The following DENND1B variants were observed in gnomAD, a reference collection of about 807,000 sequenced individuals.
DENND1B encodes DENN domain containing 1B, also known as DENN domain-containing protein 1B.
A neutral mutation model predicts 90.1 loss-of-function variants in DENND1B; 59 were observed. The observed-to-expected ratio is 0.65, with a 90% CI of 0.53 to 0.81. DENND1B has a LOEUF of 0.81. Ranked by LOEUF, DENND1B falls within the 40% of genes least tolerant of loss-of-function variation. The pLI is 0.00. For missense variants in DENND1B, 862 were observed against 912.6 expected (o/e 0.94, Z 0.71); for synonymous variants, 337 against 324.6 (o/e 1.04, Z -0.41).
At chr1:197,517,505 C>T (rs1440813667) in intron 20 of DENND1B, among the ~76,000 whole-genome samples, 1 of 151,838 alleles carries the variant, frequency 6.6e-6, no homozygotes, top group African/African-American at 2.4e-5. Flanking sequence ...TTACATTTAT[C>T]CTCTTTGCAC....
rs57505824 is a variant in DENND1B, at chr1:197,750,570, C to CTAGATAGATAGATAGA, written c.82+22282_82+22297dup. Among the ~76,000 whole-genome samples the CTAGATAGATAGATAGA allele has an allele frequency of 5.1e-3, 764 of 149,230 alleles. 4 individuals carry two copies. Among genetic ancestry groups the CTAGATAGATAGATAGA allele is most frequent in the Middle Eastern group, 0.01 (3 of 288 alleles). The stretch of plus-strand genomic sequence containing the variant: ...TGTTAGACTGGATAGAAAAGCAAAC[C>CTAGATAGATAGATAGA]TAGATAGATAGATAGATAGATAGAT... On this transcript the variant is annotated intron_variant, in intron 2 of 22. Coordinates refer to ENST00000620048, the MANE Select transcript of DENND1B (RefSeq NM_001195215.2).
intron 5 of DENND1B, among the ~76,000 whole-genome samples, chr1:197,664,930 G>A (rs1445633688): frequency 2.0e-5 from 3 of 151,932 alleles, no homozygotes; most frequent in African/African-American, 4.8e-5. Context: ...AACCCTTGGC[G>A]ACAATTTTAT....
At chr1:197,546,181 T>C (rs1007876670) in intron 17 of DENND1B, among the ~76,000 whole-genome samples, 191 bp from the exon 18 acceptor site, 2 of 152,192 alleles carry the variant, frequency 1.3e-5, no homozygotes, top group Non-Finnish European at 2.9e-5. Flanking sequence ...AAACAAAATG[T>C]ACACTTTCCA....
intron 2 of DENND1B, chr1:197,734,537 A>G (rs1249165209): frequency 1.0e-6 from 1 of 971,198 alleles, no homozygotes; most frequent in Admixed American, 6.2e-5. Flanking sequence ...ACAAAAATAG[A>G]TGTTTTGTGT....
chr1:197,732,323 CT>C (rs1415769434), intron 2 of DENND1B, among the ~76,000 whole-genome samples: 1 of 152,132 alleles, frequency 6.6e-6, no homozygotes, highest in Non-Finnish European at 1.5e-5. Context: ...ACGTGTTCTT[CT>C]TTCCTTCAAC....
intron 15 of DENND1B, among the ~76,000 whole-genome samples, chr1:197,573,763 C>T (rs181636379): frequency 6.4e-4 from 97 of 152,240 alleles, no homozygotes; most frequent in African/African-American, 2.2e-3. Context: ...ACTATCAAGT[C>T]GGCTTCATCC....
intron 15 of DENND1B, among the ~76,000 whole-genome samples, chr1:197,582,541 T>G (rs1674335823): frequency 6.6e-6 from 1 of 152,178 alleles, no homozygotes; most frequent in Admixed American, 6.5e-5. Context: ...CAACCCAATT[T>G]AAGACACTTG....
chr1:197,616,264 A>G (rs1041973975), intron 11 of DENND1B, among the ~76,000 whole-genome samples: 3 of 151,088 alleles, frequency 2.0e-5, no homozygotes, highest in African/African-American at 4.8e-5. Flanking sequence ...AACAGTATAT[A>G]CAAAGATCTA....
chr1:197,575,085 A>C (rs140661784), intron 15 of DENND1B, among the ~76,000 whole-genome samples: 1 of 152,342 alleles, frequency 6.6e-6, no homozygotes, highest in African/African-American at 2.4e-5. Context: ...CAAAATAGAC[A>C]AATGGGATCT....
In DENND1B at chr1:197,511,781, C is replaced by T. The variant is rs1471424124; in HGVS notation, c.1762G>A (p.Ala588Thr). ...HSSDQGKLAA[A>T]KSLDFFRSMD... ...GATCTAAAGAAATCCAAGCTCTTTG[C>T]AGCTGCCAGCTTCCCCTGATCTGAG... Residue 588 changes from alanine (A) to threonine (T), a missense_variant, in exon 22 of 23, where the codon GCA becomes ACA. Physicochemically the swap from Ala to Thr is moderately conservative, Grantham distance 58. Transcript: ENST00000620048. 1 of 1,610,748 alleles carries T rather than the reference C, an allele frequency of 6.2e-7. No homozygotes were observed. The highest frequency in any genetic ancestry group is 8.5e-7 in the Non-Finnish European group (1 of 1,177,932).
chr1:197,704,659 A>G (rs1659348824), intron 3 of DENND1B, among the ~76,000 whole-genome samples: 1 of 152,242 alleles, frequency 6.6e-6, no homozygotes, highest in South Asian at 2.1e-4. Context: ...CGAGAAGCGT[A>G]TAATAAACCA....
chr1:197,643,629 A>G (rs2477070), intron 9 of DENND1B, among the ~76,000 whole-genome samples: 24,355 of 152,156 alleles, frequency 0.16, 2,242 homozygotes, highest in Non-Finnish European at 0.2. Flanking sequence ...GATGAGGTGA[A>G]TTTATAAAAC....
chr1:197,758,153 T>C (rs1014450849), intron 2 of DENND1B, among the ~76,000 whole-genome samples: 2 of 152,214 alleles, frequency 1.3e-5, no homozygotes, highest in African/African-American at 4.8e-5. Context: ...TTTATATGGA[T>C]GCTGTCAGAT....
upstream of DENND1B, among the ~76,000 whole-genome samples, chr1:197,776,887 T>G (rs578015445): frequency 4.2e-4 from 64 of 152,272 alleles, no homozygotes; most frequent in African/African-American, 1.4e-3. Flanking sequence ...ACACTTCAGT[T>G]TCTCGGTTCC....
At chr1:197,749,797 T>C (rs769392511) in intron 2 of DENND1B, among the ~76,000 whole-genome samples, 3 of 152,194 alleles carry the variant, frequency 2.0e-5, no homozygotes, top group Non-Finnish European at 2.9e-5. Context: ...ATTCTCTTAC[T>C]TAATAATTTC....
In DENND1B at chr1:197,505,650, C is replaced by T. The variant is rs1327356007; in HGVS notation, c.*4810G>A. ...TTCCACAGTGCTTTTCTGCCTCATT[C>T]AAGTATAATAAAGTAGAAATCTATA... On this transcript the variant is annotated 3_prime_UTR_variant, in exon 23 of 23. Coordinates refer to ENST00000620048, the MANE Select transcript of DENND1B (RefSeq NM_001195215.2). The T allele has an allele frequency of 6.6e-6, 1 of 151,466 alleles. No homozygotes were observed. The highest frequency in any genetic ancestry group is 1.5e-5 in the Non-Finnish European group (1 of 67,672). 9.4% of individuals were successfully genotyped at this position (151,466 alleles called of 1,614,324 possible).
At chr1:197,716,392 T>A (rs979089724) in intron 2 of DENND1B, among the ~76,000 whole-genome samples, 7 of 151,732 alleles carry the variant, frequency 4.6e-5, no homozygotes, top group Non-Finnish European at 7.4e-5. Flanking sequence ...CATTACAAAT[T>A]TATGAAGGTA....
intron 2 of DENND1B, among the ~76,000 whole-genome samples, chr1:197,755,359 T>A (rs1247169892): frequency 6.6e-6 from 1 of 151,932 alleles, no homozygotes; most frequent in Non-Finnish European, 1.5e-5. Flanking sequence ...ACTTTCTAAA[T>A]TAGTAGTAGT....
At position 197,511,449 on chromosome 1, in the gene DENND1B, C is replaced by T. The variant is rs567280000; in HGVS notation, c.1815+279G>A. ...TCACATTTTAAAAATTCCCCAGAGA[C>T]AAGTATAAAATTAGGTTGCAAGAAA... On this transcript the variant is annotated intron_variant, in intron 22 of 22. Coordinates refer to ENST00000620048, the MANE Select transcript of DENND1B (RefSeq NM_001195215.2). Among the ~76,000 whole-genome samples, 34 of 151,406 alleles carry T rather than the reference C, an allele frequency of 2.2e-4. 1 individual carries two copies. The South Asian group carries it at 7.1e-3, about 31-fold the overall frequency.
Sources: gnomAD v4.1 joint callset for allele counts (sites outside exome capture counted in the v4.1 genomes callset) on GRCh38, gnomAD v4.1.1 for gene constraint, MANE v1.5 for transcripts, NCBI Gene and HGNC (gene_info 2026-07-23, HGNC 2026-07-21) for gene names.